EEF2: variants seen among roughly 807,000 people sequenced by gnomAD.
EEF2 encodes eukaryotic translation elongation factor 2.
EEF2 carries 21 observed loss-of-function variants against 85.3 expected under a neutral mutation model. The ratio of observed to expected loss-of-function variants is 0.25; its 90% CI spans 0.17 to 0.35. The LOEUF (loss-of-function observed/expected upper bound fraction) is 0.35. Among genes scored for constraint, EEF2 ranks in the 10% least tolerant of loss-of-function variants. EEF2 has a pLI of 1.00. For synonymous variants in EEF2, 723 were observed against 508.8 expected, an observed-to-expected ratio of 1.42 and a Z score of -5.67; for missense variants, 825 against 1,225.3, an observed-to-expected ratio of 0.67 and a Z score of 4.88.
At chr19:3,985,223 T>A (rs1206044738) in intron 1 of EEF2, 155 bp downstream of exon 1, 1 of 801,606 alleles carries the variant, frequency 1.2e-6, no homozygotes, top group Admixed American at 4.3e-5. Context: ...CGCACAGACA[T>A]GGCGGCGGCC....
intron 1 of EEF2, 104 bp from the exon 2 acceptor site, chr19:3,984,454 G>A (rs1279978347): frequency 6.2e-6 from 8 of 1,296,512 alleles, no homozygotes; most frequent in Middle Eastern, 1.9e-4. Flanking sequence ...GCCAGGAGGG[G>A]GTTGGTGCTG....
In EEF2 at chr19:3,977,403, T is replaced by A; in HGVS notation, c.2250+25A>T. The A allele has an allele frequency of 3.8e-6, 6 of 1,588,920 alleles. No individual in the cohort carries two copies. The highest frequency in any genetic ancestry group is 5.1e-6 in the Non-Finnish European group (6 of 1,167,030). ...GCCGCTGGGCAGGACGGTGGCAGGG[T>A]CAGCGGTGGGCGGGTAGACCTCACC... On this transcript the variant is annotated intron_variant, in intron 13 of 14. Transcript: ENST00000309311. This position sits in a 1 kb window ranked among gnomAD's most constrained non-coding sequence, Gnocchi z 5.4.
rs773005496 is a variant in EEF2, at chr19:3,980,884, G to A, written c.1107C>T (p.Cys369=). 5.1e-6 allele frequency: 8 copies of A among 1,563,190 alleles called. No homozygotes were observed. The highest frequency in any genetic ancestry group is 1.2e-5 in the South Asian group (1 of 85,768). Residue 369 remains cysteine (C), a synonymous_variant, in exon 8 of 15, where the codon TGC becomes TGT. Transcript: ENST00000309311. ...CCGGGGGCCCCTCGTACAGGAGCTCGCAGCGGTACTTCTGGGCCGTCACAG... is the reference window on the plus strand; with the variant it reads ...CCGGGGGCCCCTCGTACAGGAGCTCACAGCGGTACTTCTGGGCCGTCACAG... ...PSPVTAQKYR[C]ELLYEGPPDD... is the part of the protein sequence containing the mutation.
intron 5 of EEF2, 62 bp from the exon 6 acceptor site, chr19:3,982,114 G>A: frequency 6.3e-7 from 1 of 1,597,244 alleles, no homozygotes; most frequent in East Asian, 2.2e-5. Context: ...TGGGGAGGGT[G>A]GTCGCCAAGG....
At position 3,976,264 on chromosome 19, in the gene EEF2, T is replaced by C. The variant is rs1482268442; in HGVS notation, c.*290A>G. On this transcript the variant is annotated 3_prime_UTR_variant, in exon 15 of 15. Transcript: ENST00000309311. ...TAGTTTGGACATCTGAGTTTCCCTC[T>C]GAAGAAATGGAAAAAGTGTTGGGTG... The C allele has an allele frequency of 9.4e-6, 4 of 423,316 alleles. No individual in the cohort carries two copies. Among genetic ancestry groups the C allele is most frequent in the Non-Finnish European group, 4.3e-6 (1 of 234,686 alleles). 26.2% of individuals were successfully genotyped at this position (423,316 alleles called of 1,614,324 possible).
rs567004200 is a variant in EEF2 at position 3,982,155 on chromosome 19, G to A, written c.791+91C>T. 21 of 1,598,436 alleles carry A rather than the reference G, an allele frequency of 1.3e-5. No homozygotes were observed. In the African/African-American group the frequency reaches 1.5e-4, roughly 11 times the overall value. The stretch of plus-strand genomic sequence containing the variant: ...TGCTTGGGCAAGACCTGGTGGGCTT[G>A]AGCCACGCTGTGAATAGCACACCAC... On this transcript the variant is annotated intron_variant, in intron 5 of 14. Coordinates refer to ENST00000309311, the MANE Select transcript of EEF2 (RefSeq NM_001961.4).
At position 3,981,445 on chromosome 19, in the gene EEF2, T is replaced by A. The variant is rs1292653320; in HGVS notation, c.905A>T (p.Asp302Val). Residue 302 changes from aspartate to valine, a missense_variant, in exon 7 of 15, where the codon GAT becomes GTT. Asp to Val is a radical substitution (Grantham distance 152, BLOSUM62 -3). Transcript: ENST00000309311. The part of the protein sequence containing the change: ...LILDPIFKVF[D>V]AIMNFKKEET... ...CTCTTTCTTGAAATTCATGATCGCA[T>A]CAAACACCTACATTCCCCACCAAGA... is the stretch of plus-strand genomic sequence containing the variant. The A allele has an allele frequency of 2.5e-6, 4 of 1,613,630 alleles. No individual in the cohort carries two copies. Among genetic ancestry groups the A allele is most frequent in the Non-Finnish European group, 3.4e-6 (4 of 1,179,822 alleles).
chr19:3,984,206 G>A lies in EEF2; in HGVS notation c.148C>T (p.Arg50Trp), dbSNP rs1599198761. ...TCAGTGAAGCGTGTCTCCCCGGCCC[G>A]GGCCGAGGCGATGATGCCCGCCTTG... is the stretch of plus-strand genomic sequence containing the variant. The part of the protein sequence containing the change: ...VCKAGIIASA[R>W]AGETRFTDTR... Residue 50 changes from arginine (R) to tryptophan (W), a missense_variant, in exon 2 of 15, where the codon CGG (arginine) becomes TGG (tryptophan). Physicochemically the swap from Arg to Trp is moderately radical, Grantham distance 101. Transcript: ENST00000309311. 2 of 1,614,066 alleles carry A rather than the reference G, an allele frequency of 1.2e-6. No individual in the cohort carries two copies. The highest frequency in any genetic ancestry group is 1.7e-6 in the Non-Finnish European group (2 of 1,180,024).
chr19:3,981,496 C>G (rs767595471), intron 6 of EEF2, 44 bp from the exon 7 acceptor site: 5 of 1,568,300 alleles, frequency 3.2e-6, no homozygotes, highest in South Asian at 2.2e-5. Flanking sequence ...TTGGGAACAG[C>G]AGGAGGAAGC....
At position 3,980,946 on chromosome 19, in the gene EEF2, C is replaced by A; in HGVS notation, c.1045G>T (p.Ala349Ser). 1.9e-6 allele frequency: 3 copies of A among 1,573,878 alleles called. No homozygotes were observed. Among genetic ancestry groups the A allele is most frequent in the Non-Finnish European group, 2.6e-6 (3 of 1,160,696 alleles). Residue 349 changes from alanine (A) to serine (S), a missense_variant, in exon 8 of 15, where the codon GCC (alanine) becomes TCC (serine). Physicochemically the swap from Ala to Ser is moderately conservative, Grantham distance 99. Transcript: ENST00000309311. ...VMRRWLPAGDALLQMITIHLP... is the reference protein window; with the variant it reads ...VMRRWLPAGDSLLQMITIHLP... ...TGGATGGTGATCATCTGCAACAAGG[C>A]GTCTCCGGCAGGCAGCCAGCGGCGC... is the stretch of plus-strand genomic sequence containing the variant.
At chr19:3,980,787 G>A (rs2039735874) in intron 8 of EEF2, 54 bp downstream of exon 8, 1 of 1,590,788 alleles carries the variant, frequency 6.3e-7, no homozygotes, top group Non-Finnish European at 8.6e-7. Flanking sequence ...ACAACCTTGG[G>A]CAACAGGAAG....
chr19:3,977,730 T>C lies in EEF2; in HGVS notation c.2067+89A>G, dbSNP rs986474594. On this transcript the variant is annotated intron_variant, in intron 12 of 14. Coordinates refer to ENST00000309311, the MANE Select transcript of EEF2 (RefSeq NM_001961.4). The surrounding 1 kb of genome is among the most constrained non-coding windows in gnomAD (Gnocchi z 5.4). ...TGGGGCCTTGCCCGCCTTGGCCCCA[T>C]TAGGGTCTCTGTCTCGGGAGGCAGG... The C allele has an allele frequency of 2.0e-6, 3 of 1,487,732 alleles. No homozygotes were observed. In the East Asian group the frequency reaches 6.9e-5, roughly 34 times the overall value. The allele number at this position is 1,487,732 out of a possible 1,614,324, so 92.2% of individuals were successfully genotyped here.
At chr19:3,980,478 A>AGT in intron 9 of EEF2, 36 bp downstream of exon 9, 4 of 1,589,384 alleles carry the variant, frequency 2.5e-6, no homozygotes, top group Non-Finnish European at 3.4e-6. Context: ...GGCCCGCAAC[A>AGT]GTGCCAAGGG....
intron 7 of EEF2, 151 bp from the exon 8 acceptor site, chr19:3,981,130 C>A: frequency 7.6e-7 from 1 of 1,321,648 alleles, no homozygotes; most frequent in South Asian, 1.5e-5. Context: ...AAAGGCCATG[C>A]ACACTCCTGC....
Position 3,984,468 on chromosome 19 carries a change from T to A in EEF2, c.4-118A>T. 8 of 1,107,234 alleles carry A rather than the reference T, an allele frequency of 7.2e-6. 1 individual carries two copies. In the South Asian group the frequency reaches 1.1e-4, roughly 16 times the overall value. 68.6% of individuals were successfully genotyped at this position (1,107,234 alleles called of 1,614,324 possible). A position where few individuals can be genotyped will look rare whatever the true frequency, so the allele number is the denominator to read the frequency against. On this transcript the variant is annotated intron_variant, in intron 1 of 14. Transcript: ENST00000309311. ...GGCCAGGAGGGGGTTGGTGCTGGGG[T>A]GCCCCAAGCCCACCGAATCTTGCCA...
intron 2 of EEF2, among the ~76,000 whole-genome samples, chr19:3,983,613 G>C (rs1400794095): frequency 6.6e-6 from 1 of 152,186 alleles, no homozygotes; most frequent in African/African-American, 2.4e-5. Flanking sequence ...AAAGCCTCCA[G>C]AGACTCCGAC....
At chr19:3,981,272 G>T in intron 7 of EEF2, 67 bp downstream of exon 7, 2 of 1,486,622 alleles carry the variant, frequency 1.3e-6, no homozygotes, top group Non-Finnish European at 1.9e-6. Context: ...CCAGGCCTGG[G>T]CTGTCAGAGC....
At chr19:3,983,085 T>G (rs375802093) in intron 3 of EEF2, 25 bp downstream of exon 3, 283 of 1,611,914 alleles carry the variant, frequency 1.8e-4, no homozygotes, top group Non-Finnish European at 2.3e-4. Context: ...TTCCAGGCCG[T>G]GCCTCAGGGG....
Position 3,977,654 on chromosome 19 carries a change from G to A in EEF2, c.2068-44C>T, listed in dbSNP as rs1045353209. On this transcript the variant is annotated intron_variant, in intron 12 of 14. Coordinates refer to ENST00000309311, the MANE Select transcript of EEF2 (RefSeq NM_001961.4). The surrounding 1 kb of genome is among the most constrained non-coding windows in gnomAD (Gnocchi z 5.4). ...CACCGTCAAGGGCCGGACACACCTC[G>A]GCTGCTTGCCCTCCACCTGCCAAGT... 1.8e-5 allele frequency: 26 copies of A among 1,479,182 alleles called. No individual in the cohort carries two copies. The highest frequency in any genetic ancestry group is 7.0e-5 in the East Asian group (3 of 42,554). The allele number at this position is 1,479,182 out of a possible 1,614,324, so 91.6% of individuals were successfully genotyped here.
Sources: gnomAD v4.1 joint callset for allele counts (sites outside exome capture counted in the v4.1 genomes callset) on GRCh38, gnomAD v4.1.1 for gene constraint, Gnocchi (gnomAD v3.1) non-coding constraint, MANE v1.5 for transcripts, NCBI Gene and HGNC (gene_info 2026-07-23, HGNC 2026-07-21) for gene names.